Variants in UNC93A observed in about 807,000 individuals in gnomAD.
The protein encoded by UNC93A is N-acetylglucosamine transporter UNC93A.
Under a neutral mutation model 47.5 loss-of-function variants are expected in UNC93A, and 43 were observed. The observed-to-expected ratio is 0.91, with a 90% confidence interval of 0.71 to 1.17. The LOEUF (loss-of-function observed/expected upper bound fraction) is 1.17, where lower values mean the gene tolerates loss of function less well. Among genes scored for constraint, UNC93A ranks in the 50% most tolerant of loss-of-function variants. UNC93A has a pLI of 0.00. For synonymous variants in UNC93A, 280 were observed against 258.0 expected (o/e 1.09, Z -0.82); for missense variants, 605 against 577.6 (o/e 1.05, Z -0.49).
chr6:167,315,356 G>T lies in UNC93A; in HGVS notation c.1278G>T (p.Gly426=). Reference sequence around the variant, plus strand: ...TGAGCCTGACCATGGTGGCGTATGGGCTTGTGGAGTGCGTGGAGTCCAAGA... The same window carrying T: ...TGAGCCTGACCATGGTGGCGTATGGTCTTGTGGAGTGCGTGGAGTCCAAGA... The part of the protein sequence containing the change: ...GVLSLTMVAY[G]LVECVESKNP... Residue 426 remains glycine (G), a synonymous_variant, in exon 8 of 8, where the codon GGG becomes GGT. Transcript: ENST00000230256. 3 of 1,613,958 alleles carry T rather than the reference G, an allele frequency of 1.9e-6. No individual in the cohort carries two copies. Among genetic ancestry groups the T allele is most frequent in the Admixed American group, 1.7e-5 (1 of 60,018 alleles).
intron 4 of UNC93A, among the ~76,000 whole-genome samples, chr6:167,302,229 TC>T (rs1778262014): frequency 6.6e-6 from 1 of 152,110 alleles, no homozygotes; most frequent in African/African-American, 2.4e-5. Context: ...TCAGGAACGC[TC>T]AGCTGCCGGG....
chr6:167,291,479 C>T lies in UNC93A; in HGVS notation c.-11C>T. Reference sequence around the variant, plus strand: ...CGTGTTCACTGGTGATTGATCTTTTCATCCAGCACAATGGACAGAAGTCTA... The same window carrying T: ...CGTGTTCACTGGTGATTGATCTTTTTATCCAGCACAATGGACAGAAGTCTA... On this transcript the variant is annotated 5_prime_UTR_variant, in exon 1 of 8. Coordinates refer to ENST00000230256, the MANE Select transcript of UNC93A (RefSeq NM_018974.4). 6.2e-7 allele frequency: 1 copy of T among 1,606,466 alleles called. No individual in the cohort carries two copies. The highest frequency in any genetic ancestry group is 8.5e-7 in the Non-Finnish European group (1 of 1,177,920).
At chr6:167,282,847 G>T (rs73259199) in intron 1 of UNC93A, among the ~76,000 whole-genome samples, 1 of 152,154 alleles carries the variant, frequency 6.6e-6, no homozygotes, top group Non-Finnish European at 1.5e-5. Flanking sequence ...CCTGAAAGGC[G>T]AGACGACTTG....
In UNC93A at chr6:167,294,681, C is replaced by T; in HGVS notation, c.252C>T (p.Gly84=). The T allele has an allele frequency of 6.3e-7, 1 of 1,598,164 alleles. No homozygotes were observed. The highest frequency in any genetic ancestry group is 8.6e-7 in the Non-Finnish European group (1 of 1,168,688). ...GTGGCTACGTGGCCTTCTCCGTGGG[C>T]AACTTCTTCGCCAGCTGGTACGCAG... The part of the protein sequence containing the change: ...SMCGYVAFSV[G]NFFASWYTLI... Residue 84 remains glycine (G), a synonymous_variant, in exon 2 of 8, where the codon GGC becomes GGT. Coordinates refer to ENST00000230256, the MANE Select transcript of UNC93A (RefSeq NM_018974.4).
chr6:167,311,765 A>C (rs920741769), intron 7 of UNC93A, among the ~76,000 whole-genome samples: 8 of 152,408 alleles, frequency 5.2e-5, no homozygotes, highest in Middle Eastern at 3.4e-3. Context: ...AAATAGTTTT[A>C]GATTTACAGA....
chr6:167,307,782 C>G lies in UNC93A; in HGVS notation c.980C>G (p.Ala327Gly). 6.3e-7 allele frequency: 1 copy of G among 1,593,170 alleles called. No individual in the cohort carries two copies. Among genetic ancestry groups the G allele is most frequent in the Non-Finnish European group, 8.5e-7 (1 of 1,172,864 alleles). The change falls in exon 7 of 8, where the codon GCG (alanine) becomes GGG (glycine). Residue 327 changes from alanine to glycine, a missense_variant. By Grantham distance (60) the Ala-to-Gly change is moderately conservative. Coordinates refer to ENST00000230256, the MANE Select transcript of UNC93A (RefSeq NM_018974.4). Reference sequence around the variant, plus strand: ...GGTTTCCCCTCTGCACCCCCAGGCGCGGTGACCCACGTGTCCTGCATGATT... The same window carrying G: ...GGTTTCCCCTCTGCACCCCCAGGCGGGGTGACCCACGTGTCCTGCATGATT... ...TGRAVLYVLG[A>G]VTHVSCMIAL...
At chr6:167,290,859 C>T (rs1422860319), upstream of UNC93A, among the ~76,000 whole-genome samples, 1 of 152,160 alleles carries the variant, frequency 6.6e-6, no homozygotes. Context: ...AAATTCTTTG[C>T]ATATTGTAAA....
rs1783841030 is a variant in UNC93A, at chr6:167,291,531, G to C, written c.42G>C (p.Gly14=). 2 of 1,613,892 alleles carry C rather than the reference G, an allele frequency of 1.2e-6. No homozygotes were observed. The highest frequency in any genetic ancestry group is 1.7e-6 in the Non-Finnish European group (2 of 1,179,918). Residue 14 remains glycine, a synonymous_variant, in exon 1 of 8, where the codon GGG becomes GGC. Transcript: ENST00000230256. ...SLRNVLVVSF[G]FLLLFTAYGG... is the part of the protein sequence containing the mutation. Reference sequence around the variant, plus strand: ...GGAACGTCCTTGTGGTTTCCTTTGGGTTCCTGCTTCTCTTTACAGCCTATG... The same window carrying C: ...GGAACGTCCTTGTGGTTTCCTTTGGCTTCCTGCTTCTCTTTACAGCCTATG...
At chr6:167,299,189 T>C (rs993018429) in intron 4 of UNC93A, among the ~76,000 whole-genome samples, 1 of 112,632 alleles carries the variant, frequency 8.9e-6, no homozygotes, top group Non-Finnish European at 1.7e-5. Context: ...TATACACGTA[T>C]ATATTTCTAT....
rs984602768 is a variant in UNC93A, at chr6:167,294,784, C to G, written c.269+86C>G. 2.1e-6 allele frequency: 3 copies of G among 1,415,842 alleles called. No homozygotes were observed. In the African/African-American group the frequency reaches 4.3e-5, roughly 20 times the overall value. 87.7% of individuals were successfully genotyped at this position (1,415,842 alleles called of 1,614,324 possible). ...ACTCTGCACATGAGTTGCATTTGCA[C>G]CTGATTACTGTTCACTGCAGGCATT... On this transcript the variant is annotated intron_variant, in intron 2 of 7. Coordinates refer to ENST00000230256, the MANE Select transcript of UNC93A (RefSeq NM_018974.4).
chr6:167,286,031 A>G (rs1158503485), intron 1 of UNC93A, among the ~76,000 whole-genome samples: 1 of 150,302 alleles, frequency 6.7e-6, no homozygotes, highest in Non-Finnish European at 1.5e-5. Context: ...ATGCATGTCT[A>G]TATATACATG....
intron 1 of UNC93A, among the ~76,000 whole-genome samples, chr6:167,279,685 T>C (rs576263141): frequency 1.3e-5 from 2 of 152,198 alleles, no homozygotes; most frequent in African/African-American, 4.8e-5. Context: ...AGATGAAGTG[T>C]GTAATACTCA....
chr6:167,292,635 AG>A (rs1783866481), intron 1 of UNC93A, among the ~76,000 whole-genome samples: 1 of 152,216 alleles, frequency 6.6e-6, no homozygotes, highest in African/African-American at 2.4e-5. Flanking sequence ...AAGGGAACAC[AG>A]TCTCTTTTCT....
In UNC93A at chr6:167,296,410, C is replaced by T. The variant is rs1224997715; in HGVS notation, c.499+149C>T. 7.2e-6 allele frequency: 6 copies of T among 829,678 alleles called. No homozygotes were observed. In the African/African-American group the frequency reaches 1.0e-4, roughly 14 times the overall value. The allele number at this position is 829,678 out of a possible 1,614,324, so 51.4% of individuals were successfully genotyped here. ...CCCCACAGGTGAGATTCTCAACCTG[C>T]CTGTGCTTCAGAGTTGCCTGTTACC... is the stretch of plus-strand genomic sequence containing the variant. On this transcript the variant is annotated intron_variant, in intron 3 of 7. Coordinates refer to ENST00000230256, the MANE Select transcript of UNC93A (RefSeq NM_018974.4).
chr6:167,277,591 C>T (rs1053838302), intron 1 of UNC93A, among the ~76,000 whole-genome samples: 5 of 151,764 alleles, frequency 3.3e-5, no homozygotes, highest in Admixed American at 6.6e-5. Context: ...GCCACTGTCT[C>T]CACCGTTCTC....
At chr6:167,309,530 T>C (rs1778499443) in intron 7 of UNC93A, among the ~76,000 whole-genome samples, 1 of 152,152 alleles carries the variant, frequency 6.6e-6, no homozygotes, top group Non-Finnish European at 1.5e-5. Context: ...TGAGACCCTC[T>C]TCCCTTCAGG....
rs373395035 is a variant in UNC93A, at chr6:167,295,563, C to T, written c.270-469C>T. Among the ~76,000 whole-genome samples the T allele has an allele frequency of 6.6e-4, 69 of 104,486 alleles. 8 individuals are homozygous for T. In the East Asian group the frequency reaches 0.023, roughly 35 times the overall value. The allele number at this position is 104,486 out of a possible 152,430, so 68.5% of individuals were successfully genotyped here. A position where few individuals can be genotyped will look rare whatever the true frequency, so the allele number is the denominator to read the frequency against. ...TCCTCGCCTCCCTCGTGCTCCTCGC[C>T]TCCCTCGTGATCCTCGCCTGCCTCG... On this transcript the variant is annotated intron_variant, in intron 2 of 7. Coordinates refer to ENST00000230256, the MANE Select transcript of UNC93A (RefSeq NM_018974.4).
upstream of UNC93A, among the ~76,000 whole-genome samples, chr6:167,287,943 C>T (rs940169719): frequency 1.3e-5 from 2 of 152,160 alleles, 1 homozygote; most frequent in African/African-American, 4.8e-5. Flanking sequence ...ATGAGGGTGC[C>T]TTAGCCCAAT....
At position 167,296,180 on chromosome 6, in the gene UNC93A, A is replaced by C. The variant is rs1583076603; in HGVS notation, c.418A>C (p.Ile140Leu). 2.5e-5 allele frequency: 41 copies of C among 1,614,212 alleles called. 1 individual carries two copies. In the East Asian group the frequency reaches 8.7e-4, roughly 34 times the overall value. Reference protein sequence around the residue: ...GKDMVNQYFGIFFLIFQSSGV... With the variant: ...GKDMVNQYFGLFFLIFQSSGV... Reference sequence around the variant, plus strand: ...AGACATGGTGAACCAGTATTTTGGCATCTTCTTCCTCATATTCCAGTCATC... The same window carrying C: ...AGACATGGTGAACCAGTATTTTGGCCTCTTCTTCCTCATATTCCAGTCATC... The change falls in exon 3 of 8, where the codon ATC becomes CTC. Residue 140 changes from isoleucine (I) to leucine (L), a missense_variant. Transcript: ENST00000230256.
Sources: allele counts gnomAD v4.1 joint callset (sites outside exome capture counted in the v4.1 genomes callset), GRCh38; gene constraint gnomAD v4.1.1; transcripts MANE v1.5; gene names NCBI Gene and HGNC (gene_info 2026-07-23, HGNC 2026-07-21).